Variants in SFTPA2 observed in about 807,000 individuals in gnomAD.
The protein encoded by SFTPA2 is surfactant protein A2, also known as pulmonary surfactant-associated protein A2.
SFTPA2 carries 21 observed loss-of-function variants against 20.3 expected under a neutral mutation model. The observed-to-expected ratio is 1.03, with a 90% CI of 0.73 to 1.49. SFTPA2 has a LOEUF of 1.49. Among genes scored for constraint, SFTPA2 ranks in the 40% most tolerant of loss-of-function variants. The probability of loss-of-function intolerance (pLI) is 0.00; values close to 1 mark genes in which losing one functional copy is unlikely to be tolerated. For missense variants in SFTPA2, 302 were observed against 314.8 expected, an observed-to-expected ratio of 0.96 and a Z score of 0.31; for synonymous variants, 116 against 118.7, an observed-to-expected ratio of 0.98 and a Z score of 0.15.
chr10:79,558,157 G>A (rs1289116113), intron 4 of SFTPA2, 28 bp from the exon 5 acceptor site: 22 of 1,613,786 alleles, frequency 1.4e-5, no homozygotes, highest in African/African-American at 2.7e-5. Context: ...CACAGAAGGA[G>A]GGGCAGGCCA....
rs548135801 is a variant in SFTPA2, at chr10:79,556,071, A to G, written c.*1138T>C. ...GGGTAAACAATACTGGTCCCGTGAC[A>G]TTGTGTAAAGATTGAATAGTACATA... On this transcript the variant is annotated 3_prime_UTR_variant, in exon 6 of 6. Transcript: ENST00000372325. The G allele has an allele frequency of 6.2e-6, 1 of 162,142 alleles. No homozygotes were observed. Among genetic ancestry groups the G allele is most frequent in the South Asian group, 2.1e-4 (1 of 4,826 alleles). The allele number at this position is 162,142 out of a possible 1,614,324, so 10.0% of individuals were successfully genotyped here. A position where few individuals can be genotyped will look rare whatever the true frequency, so the allele number is the denominator to read the frequency against.
intron 4 of SFTPA2, 122 bp downstream of exon 4, chr10:79,558,764 T>A: frequency 3.9e-6 from 6 of 1,529,108 alleles, no homozygotes; most frequent in Non-Finnish European, 5.4e-6. Context: ...TTCTCTTACT[T>A]AGGTTGAGCC....
In SFTPA2 at chr10:79,560,376, C is replaced by G. The variant is rs1243824401; in HGVS notation, c.-66G>C. 6.6e-6 allele frequency: 1 copy of G among 152,348 alleles called. No homozygotes were observed. Among genetic ancestry groups the G allele is most frequent in the Non-Finnish European group, 1.5e-5 (1 of 68,184 alleles). The allele number at this position is 152,348 out of a possible 1,614,324, so 9.4% of individuals were successfully genotyped here. A position where few individuals can be genotyped will look rare whatever the true frequency, so the allele number is the denominator to read the frequency against. ...TGGCTAAACTCACCCACACACAGAGCCTCCAGCTGCTTGGGTCTCTGCCTC... is the reference window on the plus strand; with the variant it reads ...TGGCTAAACTCACCCACACACAGAGGCTCCAGCTGCTTGGGTCTCTGCCTC... On this transcript the variant is annotated 5_prime_UTR_variant, in exon 1 of 6. Coordinates refer to ENST00000372325, the MANE Select transcript of SFTPA2 (RefSeq NM_001098668.4).
chr10:79,559,106 C>T, intron 3 of SFTPA2, 101 bp from the exon 4 acceptor site: 2 of 1,611,406 alleles, frequency 1.2e-6, no homozygotes, highest in Non-Finnish European at 1.7e-6. Flanking sequence ...GCTCAGCTAT[C>T]ACTCCGTGGG....
In SFTPA2 at chr10:79,559,503, G is replaced by C. The variant is rs756480657; in HGVS notation, c.-20C>G. On this transcript the variant is annotated 5_prime_UTR_variant, in exon 3 of 6. Coordinates refer to ENST00000372325, the MANE Select transcript of SFTPA2 (RefSeq NM_001098668.4). ...CCACATGGCTCTGGGTCCAGTCGCT[G>C]CTCCTGCCGGAGGGATGGCCGTGAG... is the stretch of plus-strand genomic sequence containing the variant. The C allele has an allele frequency of 1.9e-6, 3 of 1,606,964 alleles. 1 individual carries two copies. The South Asian group carries it at 3.3e-5, about 18-fold the overall frequency.
In SFTPA2 at chr10:79,558,893, G is replaced by GCC. The variant is rs1460486561; in HGVS notation, c.283_284dup (p.Pro96AlafsTer9). On this transcript the variant is annotated frameshift_variant, in exon 4 of 6. Coordinates refer to ENST00000372325, the MANE Select transcript of SFTPA2 (RefSeq NM_001098668.4). LOFTEE classifies it high-confidence loss of function. ...CTGCCCCGCCCTGCTCACCTGGAGG[G>GCC]CCTCTCTCGCCAGCCTCCCCCTTCT... The GCC allele has an allele frequency of 5.0e-6, 8 of 1,613,954 alleles. No homozygotes were observed. The highest frequency in any genetic ancestry group is 1.6e-4 in the Middle Eastern group (1 of 6,084).
rs774640340 is a variant in SFTPA2, at chr10:79,558,953, C to T, written c.225G>A (p.Leu75=). 38 of 1,614,140 alleles carry T rather than the reference C, an allele frequency of 2.4e-5. No homozygotes were observed. The South Asian group carries it at 3.3e-4, about 14-fold the overall frequency. The change falls in exon 4 of 6, where the codon CTG becomes CTA. Residue 75 remains leucine, a synonymous_variant. Transcript: ENST00000372325. ...CTCCAGGGACACCAGGGGCTCCAGG[C>T]AGCCCATTATTCCCAGGAGGACATG... ...ETPCPPGNNG[L]PGAPGVPGER... is the part of the protein sequence containing the mutation.
chr10:79,559,324 G>A lies in SFTPA2; in HGVS notation c.160C>T (p.Pro54Ser), dbSNP rs1306312383. 1 of 1,613,772 alleles carries A rather than the reference G, an allele frequency of 6.2e-7. No homozygotes were observed. The highest frequency in any genetic ancestry group is 8.5e-7 in the Non-Finnish European group (1 of 1,179,808). Residue 54 changes from proline (P) to serine (S), a missense_variant, in exon 3 of 6, where the codon CCT (proline) becomes TCT (serine). Transcript: ENST00000372325. The stretch of plus-strand genomic sequence containing the variant: ...TGCAGCACAGTACCTGGAGGGCCAG[G>A]GTCTCCTTTGACACCATCTCTCCCG... The part of the protein sequence containing the change: ...RDGRDGVKGD[P>S]GPPGPMGPPG...
Position 79,558,053 on chromosome 10 carries a change from T to C in SFTPA2, c.369A>G (p.Gly123=), listed in dbSNP as rs756688936. The C allele has an allele frequency of 6.2e-7, 1 of 1,614,040 alleles. No homozygotes were observed. Among genetic ancestry groups the C allele is most frequent in the East Asian group, 2.2e-5 (1 of 44,854 alleles). ...DFRHQILQTR[G]ALSLQGSIMT... is the part of the protein sequence containing the mutation. ...GTGAGGCCCAGGGGGTCCCCTTACCTCCCCTTGTCTGCAGGATTTGATGTC... is the reference window on the plus strand; with the variant it reads ...GTGAGGCCCAGGGGGTCCCCTTACCCCCCCTTGTCTGCAGGATTTGATGTC... The change falls in exon 5 of 6, where the codon GGA becomes GGG. Residue 123 remains glycine, a splice_region_variant and synonymous_variant. Coordinates refer to ENST00000372325, the MANE Select transcript of SFTPA2 (RefSeq NM_001098668.4).
Position 79,560,017 on chromosome 10 carries a change from G to T in SFTPA2, c.-53-19C>A. The T allele has an allele frequency of 8.7e-7, 1 of 1,149,736 alleles. No homozygotes were observed. The highest frequency in any genetic ancestry group is 1.1e-6 in the Non-Finnish European group (1 of 929,842). The allele number at this position is 1,149,736 out of a possible 1,614,324, so 71.2% of individuals were successfully genotyped here. ...CAGCGACCTGAGAATGAAAAGAGAT[G>T]AATAGGGCCCACAGCCTGGACCCTT... On this transcript the variant is annotated intron_variant, in intron 1 of 5. Coordinates refer to ENST00000372325, the MANE Select transcript of SFTPA2 (RefSeq NM_001098668.4).
In SFTPA2 at chr10:79,556,995, T is replaced by A. The variant is rs2913166; in HGVS notation, c.*214A>T. 2.4e-6 allele frequency: 2 copies of A among 836,908 alleles called. No individual in the cohort carries two copies. The highest frequency in any genetic ancestry group is 5.3e-5 in the East Asian group (2 of 37,548). 51.8% of individuals were successfully genotyped at this position (836,908 alleles called of 1,614,324 possible). ...GGCTGCCTGGGGTGCAGTGCTGGGA[T>A]GGTTTGCAAGGGGAGTGTCAAGGCT... On this transcript the variant is annotated 3_prime_UTR_variant, in exon 6 of 6. Coordinates refer to ENST00000372325, the MANE Select transcript of SFTPA2 (RefSeq NM_001098668.4).
At position 79,558,883 on chromosome 10, in the gene SFTPA2, C is replaced by T; in HGVS notation, c.292+3G>A. 6.2e-7 allele frequency: 1 copy of T among 1,614,142 alleles called. No individual in the cohort carries two copies. The highest frequency in any genetic ancestry group is 8.5e-7 in the Non-Finnish European group (1 of 1,180,022). On this transcript the variant is annotated splice_donor_region_variant and intron_variant, in intron 4 of 5. Coordinates refer to ENST00000372325, the MANE Select transcript of SFTPA2 (RefSeq NM_001098668.4). ...CACTGCCCACCTGCCCCGCCCTGCT[C>T]ACCTGGAGGGCCTCTCTCGCCAGCC...
At position 79,556,930 on chromosome 10, in the gene SFTPA2, A is replaced by T; in HGVS notation, c.*279T>A. On this transcript the variant is annotated 3_prime_UTR_variant, in exon 6 of 6. Transcript: ENST00000372325. The stretch of plus-strand genomic sequence containing the variant: ...AAGGAACTGGACCAGATGGGGAATA[A>T]GGAGGCCTCCATCTCATGCCAAAGG... 1.8e-6 allele frequency: 1 copy of T among 553,684 alleles called. No individual in the cohort carries two copies. The highest frequency in any genetic ancestry group is 2.1e-5 in the South Asian group (1 of 47,140). 34.3% of individuals were successfully genotyped at this position (553,684 alleles called of 1,614,324 possible). A position where few individuals can be genotyped will look rare whatever the true frequency, so the allele number is the denominator to read the frequency against.
rs1418701642 is a variant in SFTPA2 at position 79,556,097 on chromosome 10, A to G, written c.*1112T>C. 2 of 164,888 alleles carry G rather than the reference A, an allele frequency of 1.2e-5. No individual in the cohort carries two copies. The highest frequency in any genetic ancestry group is 4.8e-5 in the African/African-American group (2 of 41,458). 10.2% of individuals were successfully genotyped at this position (164,888 alleles called of 1,614,324 possible). A position where few individuals can be genotyped will look rare whatever the true frequency, so the allele number is the denominator to read the frequency against. ...TTGTGTAAAGATTGAATAGTACATA[A>G]TAAACTGTATTAAAAGATTTTGTCA... On this transcript the variant is annotated 3_prime_UTR_variant, in exon 6 of 6. Coordinates refer to ENST00000372325, the MANE Select transcript of SFTPA2 (RefSeq NM_001098668.4).
chr10:79,557,234 G>T lies in SFTPA2; in HGVS notation c.722C>A (p.Ser241Tyr), dbSNP rs760390856. 6 of 1,614,172 alleles carry T rather than the reference G, an allele frequency of 3.7e-6. No individual in the cohort carries two copies. The highest frequency in any genetic ancestry group is 5.1e-6 in the Non-Finnish European group (6 of 1,180,034). Residue 241 changes from serine to tyrosine, a missense_variant, in exon 6 of 6, where the codon TCC (serine) becomes TAC (tyrosine). Physicochemically the swap from Ser to Tyr is moderately radical, Grantham distance 144 (BLOSUM62 -2). Transcript: ENST00000372325. ...GQWNDRNCLY[S>Y]RLTICEF ...TCAGAACTCACAGATGGTCAGTCGG[G>T]AGTACAGGCAGTTCCTGTCATTCCA...
At position 79,557,307 on chromosome 10, in the gene SFTPA2, C is replaced by G. The variant is rs550180644; in HGVS notation, c.649G>C (p.Ala217Pro). ...NYTNWYRGEP[A>P]GRGKEQCVEM... ...ACACACTGCTCTTTTCCCCGACCTG[C>G]AGGCTCCCCTCGGTACCAGTTGGTG... is the stretch of plus-strand genomic sequence containing the variant. The change falls in exon 6 of 6, where the codon GCA (alanine) becomes CCA (proline). Residue 217 changes from alanine to proline, a missense_variant. Physicochemically the swap from Ala to Pro is conservative, Grantham distance 27. Coordinates refer to ENST00000372325, the MANE Select transcript of SFTPA2 (RefSeq NM_001098668.4). 6.2e-7 allele frequency: 1 copy of G among 1,613,542 alleles called. No individual in the cohort carries two copies. Among genetic ancestry groups the G allele is most frequent in the African/African-American group, 1.3e-5 (1 of 75,046 alleles).
rs1350194428 is a variant in SFTPA2, at chr10:79,557,472, T to C, written c.484A>G (p.Ile162Val). Residue 162 changes from isoleucine (I) to valine (V), a missense_variant, in exon 6 of 6, where the codon ATT becomes GTT. Physicochemically the swap from Ile to Val is conservative, Grantham distance 29. Around this residue, in one of 3 missense-constraint regions of SFTPA2, gnomAD observed 264 missense variants for 261.7 expected, o/e 1.01. Transcript: ENST00000372325. ...TCCTCTGGATTCCTTGGGACAGCAA[T>C]GCGGCCGCCTGCTCTGGCACATGCC... ...QEACARAGGR[I>V]AVPRNPEENE... The C allele has an allele frequency of 1.2e-6, 2 of 1,613,648 alleles. No homozygotes were observed. The highest frequency in any genetic ancestry group is 4.5e-5 in the East Asian group (2 of 44,876).
chr10:79,558,095 G>A lies in SFTPA2; in HGVS notation c.327C>T (p.Ala109=), dbSNP rs1393823501. ...LPAHLDEELQ[A]TLHDFRHQIL... ...TTTGATGTCTGAAGTCGTGGAGTGT[G>A]GCTTGGAGCTCCTCATCTAGATGAG... Residue 109 remains alanine (A), a synonymous_variant, in exon 5 of 6, where the codon GCC becomes GCT. Transcript: ENST00000372325. 1.9e-6 allele frequency: 3 copies of A among 1,614,048 alleles called. No individual in the cohort carries two copies. Among genetic ancestry groups the A allele is most frequent in the South Asian group, 2.2e-5 (2 of 91,058 alleles).
intron 1 of SFTPA2, 27 bp from the exon 2 acceptor site, chr10:79,560,025 C>G: frequency 8.7e-7 from 1 of 1,144,444 alleles, no homozygotes; most frequent in Non-Finnish European, 1.1e-6. Flanking sequence ...ATGAATAGGG[C>G]CCACAGCCTG....
Sources: allele counts gnomAD v4.1 joint callset, GRCh38; gene constraint gnomAD v4.1.1; regional missense constraint gnomAD v4.1.1; transcripts MANE v1.5; gene names NCBI Gene and HGNC (gene_info 2026-07-23, HGNC 2026-07-21).